AMOTL1: variants seen among roughly 807,000 people sequenced by gnomAD.
The protein encoded by AMOTL1 is angiomotin-like protein 1.
Under a neutral mutation model 102.9 loss-of-function variants are expected in AMOTL1, and 45 were observed. The ratio of observed to expected loss-of-function variants is 0.44; its 90% confidence interval spans 0.34 to 0.56. AMOTL1 has a LOEUF of 0.56. Among genes scored for constraint, AMOTL1 ranks in the 20% least tolerant of loss-of-function variants. AMOTL1 has a pLI of 0.01. For missense variants in AMOTL1, 1,114 were observed against 1,225.6 expected (o/e 0.91, Z 1.36); for synonymous variants, 481 against 484.7 (o/e 0.99, Z 0.10).
chr11:94,841,179 ACCTGTAAT>A (rs1309920467), intron 6 of AMOTL1, among the ~76,000 whole-genome samples: 46 of 152,296 alleles, frequency 3.0e-4, no homozygotes, highest in Middle Eastern at 3.4e-3. Flanking sequence ...GGTGGCTCAC[ACCTGTAAT>A]CCCAGCACTT....
chr11:94,772,599 T>A (rs1018773804), intron 1 of AMOTL1, among the ~76,000 whole-genome samples: 1 of 152,264 alleles, frequency 6.6e-6, no homozygotes, highest in Non-Finnish European at 1.5e-5. Context: ...ATGGATGTAC[T>A]ATGGTTTGTT....
intron 4 of AMOTL1, among the ~76,000 whole-genome samples, chr11:94,827,611 C>T (rs964262810): frequency 4.6e-5 from 7 of 152,076 alleles, no homozygotes; most frequent in African/African-American, 7.2e-5. Context: ...TATCTGTGGA[C>T]GAATCAGAAA....
intron 6 of AMOTL1, among the ~76,000 whole-genome samples, chr11:94,840,667 TATATATATATATATAC>T (rs954606681): frequency 7.9e-6 from 1 of 125,966 alleles, no homozygotes; most frequent in African/African-American, 3.0e-5. Context: ...TATATATATA[TATATATATATATATAC>T]ACACACACAC....
At chr11:94,798,129 T>C (rs899498010) in intron 2 of AMOTL1, among the ~76,000 whole-genome samples, 4 of 152,226 alleles carry the variant, frequency 2.6e-5, no homozygotes, top group African/African-American at 9.6e-5. Context: ...CAGTTCTGCC[T>C]CTTCCCGCCT....
At chr11:94,713,926 T>C (rs1950055916) in intron 1 of AMOTL1, among the ~76,000 whole-genome samples, 1 of 152,010 alleles carries the variant, frequency 6.6e-6, no homozygotes, top group African/African-American at 2.4e-5. Context: ...GACCTCTCAG[T>C]ACTATGTTAA....
At chr11:94,757,020 T>C (rs1950734317) in intron 3 of AMOTL1, among the ~76,000 whole-genome samples, 1 of 151,080 alleles carries the variant, frequency 6.6e-6, no homozygotes, top group African/African-American at 2.4e-5. Context: ...TTGTCTATTT[T>C]GGTATCTTGA....
At chr11:94,759,702 G>T (rs1950768873) in intron 3 of AMOTL1, among the ~76,000 whole-genome samples, 2 of 152,126 alleles carry the variant, frequency 1.3e-5, no homozygotes, top group Admixed American at 1.3e-4. Flanking sequence ...GTCCACATGG[G>T]TAACACATGG....
intron 1 of AMOTL1, among the ~76,000 whole-genome samples, chr11:94,781,290 G>A (rs1372447677): frequency 6.6e-6 from 1 of 152,098 alleles, no homozygotes; most frequent in Non-Finnish European, 1.5e-5. Context: ...TAGAGTTCAA[G>A]CAGTGCTTTA....
chr11:94,757,344 G>A (rs995460415), intron 3 of AMOTL1, among the ~76,000 whole-genome samples: 1 of 152,062 alleles, frequency 6.6e-6, no homozygotes, highest in African/African-American at 2.4e-5. Context: ...TGTAACCACC[G>A]CTTATGAAAT....
chr11:94,788,799 T>C (rs1223869291), intron 1 of AMOTL1, among the ~76,000 whole-genome samples: 1 of 152,208 alleles, frequency 6.6e-6, no homozygotes, highest in Non-Finnish European at 1.5e-5. Context: ...TGGTTTATAT[T>C]GATAATATCT....
At position 94,866,144 on chromosome 11, in the gene AMOTL1, G is replaced by A. The variant is rs1198000570; in HGVS notation, c.2464G>A (p.Glu822Lys). 1.2e-6 allele frequency: 2 copies of A among 1,614,034 alleles called. No homozygotes were observed. The highest frequency in any genetic ancestry group is 8.5e-7 in the Non-Finnish European group (1 of 1,179,898). The change falls in exon 11 of 13, where the codon GAG becomes AAG. Residue 822 changes from glutamate to lysine, a missense_variant. By Grantham distance (56) the Glu-to-Lys change is moderately conservative. Transcript: ENST00000433060. Reference protein sequence around the residue: ...SSQLAEEKKEEKTWKGSIGLL... With the variant: ...SSQLAEEKKEKKTWKGSIGLL... ...CCAGCTGGCTGAGGAAAAGAAGGAA[G>A]AGAAGACCTGGAAGGGGAGCATAGG...
rs551220386 is a variant in AMOTL1 at position 94,840,654 on chromosome 11, G to GTATATATATATATATA, written c.1648+9126_1648+9141dup. Among the ~76,000 whole-genome samples the GTATATATATATATATA allele has an allele frequency of 4.5e-3, 495 of 111,078 alleles. 4 individuals carry two copies. Among genetic ancestry groups the GTATATATATATATATA allele is most frequent in the Admixed American group, 6.5e-3 (71 of 10,978 alleles). 72.9% of individuals were successfully genotyped at this position (111,078 alleles called of 152,430 possible). A position where few individuals can be genotyped will look rare whatever the true frequency, so the allele number is the denominator to read the frequency against. On this transcript the variant is annotated intron_variant, in intron 6 of 12. Transcript: ENST00000433060. ...CATTCAGAGGGGCCACTTAAAAAAC[G>GTATATATATATATATA]TATATATATATATATATATATATAT...
rs772301485 is a variant in AMOTL1, at chr11:94,800,216, C to T, written c.1026C>T (p.Leu342=). The change falls in exon 3 of 13, where the codon CTC becomes CTT. Residue 342 remains leucine (L), a synonymous_variant. Coordinates refer to ENST00000433060, the MANE Select transcript of AMOTL1 (RefSeq NM_130847.3). ...LFYGDQHPGM[L]HEMVKPYPAP... ...ATGGTGACCAGCACCCCGGGATGCT[C>T]CACGAGATGGTCAAGCCCTACCCTG... is the stretch of plus-strand genomic sequence containing the variant. The T allele has an allele frequency of 1.9e-6, 3 of 1,613,968 alleles. No homozygotes were observed. The highest frequency in any genetic ancestry group is 2.5e-6 in the Non-Finnish European group (3 of 1,179,886).
At chr11:94,797,917 C>T (rs1283683441) in intron 2 of AMOTL1, among the ~76,000 whole-genome samples, 2 of 152,092 alleles carry the variant, frequency 1.3e-5, no homozygotes, top group African/African-American at 4.8e-5. Flanking sequence ...AATTTTGGTG[C>T]AGAGGAGTGA....
intron 3 of AMOTL1, among the ~76,000 whole-genome samples, chr11:94,751,568 G>A (rs991364166): frequency 3.3e-5 from 5 of 152,036 alleles, no homozygotes; most frequent in Non-Finnish European, 7.3e-5. Flanking sequence ...CCTAATATTG[G>A]TTTGCAAAGT....
chr11:94,819,636 C>T (rs185445547), intron 3 of AMOTL1, among the ~76,000 whole-genome samples: 1 of 152,284 alleles, frequency 6.6e-6, no homozygotes, highest in Admixed American at 6.5e-5. Flanking sequence ...AACCAATGTT[C>T]ATCTTACATA....
At chr11:94,775,673 T>C (rs1951017705) in intron 1 of AMOTL1, among the ~76,000 whole-genome samples, 1 of 152,218 alleles carries the variant, frequency 6.6e-6, no homozygotes. Context: ...TTAATAGCCA[T>C]TTCCATCACT....
rs576469119 is a variant in AMOTL1, at chr11:94,807,155, C to G, written c.1121+6844C>G. Among the ~76,000 whole-genome samples the G allele has an allele frequency of 2.3e-3, 351 of 152,174 alleles. 2 individuals carry two copies. Among genetic ancestry groups the G allele is most frequent in the African/African-American group, 7.9e-3 (328 of 41,506 alleles). On this transcript the variant is annotated intron_variant, in intron 3 of 12. Transcript: ENST00000433060. ...TACAGATAACTCCCATTCCGCCCCC[C>G]AAAAGAAAGAAAATAGAAATTGCCT...
chr11:94,734,082 A>G (rs1253919919), intron 2 of AMOTL1, among the ~76,000 whole-genome samples: 1 of 152,210 alleles, frequency 6.6e-6, no homozygotes, highest in Non-Finnish European at 1.5e-5. Context: ...CACCTCCTGC[A>G]TTGATATTTG....
Sources: allele counts gnomAD v4.1 joint callset (sites outside exome capture counted in the v4.1 genomes callset), GRCh38; gene constraint gnomAD v4.1.1; transcripts MANE v1.5; gene names NCBI Gene and HGNC (gene_info 2026-07-23, HGNC 2026-07-21).